TBXAS1: variants seen among roughly 807,000 people sequenced by gnomAD.
TBXAS1 encodes the protein thromboxane-A synthase.
Under a neutral mutation model 60.7 loss-of-function variants are expected in TBXAS1, and 48 were observed. That is an observed-to-expected ratio of 0.79 (90% CI 0.63 to 1.01). TBXAS1 has a LOEUF of 1.01. TBXAS1 is among the 50% of genes least tolerant of loss of function. The probability of loss-of-function intolerance (pLI) is 0.00; values close to 1 mark genes in which losing one functional copy is unlikely to be tolerated. For synonymous variants in TBXAS1, 287 were observed against 269.7 expected (o/e 1.06, Z -0.63); for missense variants, 685 against 686.3 (o/e 1.00, Z 0.02).
intron 4 of TBXAS1, among the ~76,000 whole-genome samples, chr7:139,920,224 G>A (rs879638320): frequency 2.0e-5 from 3 of 152,210 alleles, no homozygotes; most frequent in Non-Finnish European, 4.4e-5. Flanking sequence ...TAAAGACAAC[G>A]AGGGGTCCCT....
chr7:139,896,555 C>T lies in TBXAS1; in HGVS notation c.237-14670C>T, dbSNP rs1227834586. On this transcript the variant is annotated intron_variant, in intron 3 of 12. Coordinates refer to ENST00000448866, the MANE Select transcript of TBXAS1 (RefSeq NM_001061.7). The surrounding 1 kb of genome is among the most constrained non-coding windows in gnomAD (Gnocchi z 4.0). ...GTATTTTACACATTCGTGACAAATA[C>T]AGCAACATCTGTCAGGCACTGTAGG... 6.6e-6 allele frequency among the ~76,000 whole-genome samples: 1 copy of T among 152,188 alleles called. No homozygotes were observed. Among genetic ancestry groups the T allele is most frequent in the East Asian group, 1.9e-4 (1 of 5,198 alleles).
chr7:140,009,230 C>G (rs1463695681), intron 10 of TBXAS1, among the ~76,000 whole-genome samples: 1 of 152,224 alleles, frequency 6.6e-6, no homozygotes, highest in Non-Finnish European at 1.5e-5. Context: ...CAGACAGAAA[C>G]TAGAGAACCT....
chr7:139,938,215 C>T (rs1807965291), intron 5 of TBXAS1, among the ~76,000 whole-genome samples: 1 of 152,084 alleles, frequency 6.6e-6, no homozygotes, highest in Non-Finnish European at 1.5e-5. Flanking sequence ...GTGTAGACAG[C>T]AGGAGATGGA....
intron 3 of TBXAS1, among the ~76,000 whole-genome samples, chr7:139,785,461 A>G (rs1797159852): frequency 8.6e-6 from 1 of 116,036 alleles, no homozygotes; most frequent in South Asian, 3.5e-4. Flanking sequence ...GCCAGGACCC[A>G]TTGTTTCGTT....
intron 4 of TBXAS1, among the ~76,000 whole-genome samples, chr7:139,920,312 C>T (rs1398744521): frequency 6.6e-6 from 1 of 152,196 alleles, no homozygotes; most frequent in Non-Finnish European, 1.5e-5. Context: ...CAAAGTTAAA[C>T]CACACTTTCC....
chr7:139,891,931 AC>A (rs1803652477), intron 3 of TBXAS1, among the ~76,000 whole-genome samples: 1 of 152,132 alleles, frequency 6.6e-6, no homozygotes, highest in African/African-American at 2.4e-5. Context: ...GGGAGTTTAT[AC>A]TCTTTCCCCA....
chr7:140,000,028 G>A (rs1813557090), intron 9 of TBXAS1, among the ~76,000 whole-genome samples: 1 of 152,008 alleles, frequency 6.6e-6, no homozygotes, highest in African/African-American at 2.4e-5. Flanking sequence ...ATGTGTAGGT[G>A]TGTGACTGTG....
intron 5 of TBXAS1, among the ~76,000 whole-genome samples, chr7:139,951,764 C>A (rs1809296421): frequency 7.5e-6 from 1 of 133,810 alleles, no homozygotes; most frequent in Non-Finnish European, 1.6e-5. Context: ...CAAAGCAAGA[C>A]TCTGTCTAAA....
chr7:139,972,856 C>T (rs922878625), intron 9 of TBXAS1, among the ~76,000 whole-genome samples: 1 of 152,122 alleles, frequency 6.6e-6, no homozygotes, highest in Non-Finnish European at 1.5e-5. Flanking sequence ...GAGCACAGTG[C>T]CTGGCACGTG....
intron 9 of TBXAS1, among the ~76,000 whole-genome samples, chr7:139,972,620 A>G (rs1048056991): frequency 1.3e-5 from 2 of 152,174 alleles, no homozygotes; most frequent in African/African-American, 2.4e-5. Flanking sequence ...GGAAGCTCCA[A>G]AATGGTATCA....
At chr7:139,939,075 C>G (rs1006775988) in intron 5 of TBXAS1, among the ~76,000 whole-genome samples, 5 of 152,244 alleles carry the variant, frequency 3.3e-5, no homozygotes, top group Middle Eastern at 6.8e-3. Flanking sequence ...CATTAAGATG[C>G]CAAGAGAAGC....
chr7:139,864,277 G>A (rs536264617), intron 1 of TBXAS1, among the ~76,000 whole-genome samples: 32 of 147,066 alleles, frequency 2.2e-4, no homozygotes, highest in Admixed American at 1.8e-3. Context: ...CTATACATGA[G>A]CAACACCAAA....
At chr7:139,949,373 A>G (rs1809017901) in intron 5 of TBXAS1, among the ~76,000 whole-genome samples, 1 of 152,242 alleles carries the variant, frequency 6.6e-6, no homozygotes, top group African/African-American at 2.4e-5. Context: ...ATTCCTCTGA[A>G]GTAAATTTAA....
At chr7:139,912,507 G>T (rs1376486001) in intron 4 of TBXAS1, among the ~76,000 whole-genome samples, 1 of 152,120 alleles carries the variant, frequency 6.6e-6, no homozygotes, top group East Asian at 1.9e-4. Flanking sequence ...TTCTTTTGTT[G>T]ATTATGTGGC....
rs567952378 is a variant in TBXAS1, at chr7:139,902,410, A to C, written c.237-8815A>C. ...TTTTTTCAGTCACAAAATTCCCTTG[A>C]GATTCATCCAAATTTGTGCATGTAA... On this transcript the variant is annotated intron_variant, in intron 3 of 12. Coordinates refer to ENST00000448866, the MANE Select transcript of TBXAS1 (RefSeq NM_001061.7). Among the ~76,000 whole-genome samples the C allele has an allele frequency of 2.6e-5, 4 of 152,248 alleles. No homozygotes were observed. The South Asian group carries it at 8.3e-4, about 32-fold the overall frequency.
At chr7:139,923,135 A>G (rs956137613) in intron 4 of TBXAS1, among the ~76,000 whole-genome samples, 1 of 151,194 alleles carries the variant, frequency 6.6e-6, no homozygotes, top group South Asian at 2.1e-4. Flanking sequence ...CTGGGTAACA[A>G]ACCAAGACCC....
chr7:139,934,488 G>A (rs560174541), intron 4 of TBXAS1, among the ~76,000 whole-genome samples: 4 of 151,902 alleles, frequency 2.6e-5, no homozygotes, highest in Non-Finnish European at 4.4e-5. Flanking sequence ...ATGCCTGGCC[G>A]CAAAGTCTTT....
At position 140,015,835 on chromosome 7, in the gene TBXAS1, A is replaced by G; in HGVS notation, c.1339A>G (p.Ser447Gly). The G allele has an allele frequency of 6.2e-7, 1 of 1,613,908 alleles. No individual in the cohort carries two copies. The highest frequency in any genetic ancestry group is 8.5e-7 in the Non-Finnish European group (1 of 1,180,024). The change falls in exon 11 of 13, where the codon AGC becomes GGC. Residue 447 changes from serine to glycine, a missense_variant. Transcript: ENST00000448866. ...GCACCATGACCCTGAGCACTGGCCAAGCCCGGAGACCTTCAACCCTGAAAG... is the reference window on the plus strand; with the variant it reads ...GCACCATGACCCTGAGCACTGGCCAGGCCCGGAGACCTTCAACCCTGAAAG... The part of the protein sequence containing the change: ...ALHHDPEHWP[S>G]PETFNPERFT...
intron 4 of TBXAS1, among the ~76,000 whole-genome samples, chr7:139,804,994 T>C (rs879483740): frequency 2.0e-5 from 3 of 152,258 alleles, no homozygotes; most frequent in Admixed American, 6.5e-5. Context: ...TGTGAATGGA[T>C]TTCACAGCTT....
Sources: gnomAD v4.1 joint callset for allele counts (sites outside exome capture counted in the v4.1 genomes callset) on GRCh38, gnomAD v4.1.1 for gene constraint, Gnocchi (gnomAD v3.1) non-coding constraint, MANE v1.5 for transcripts, NCBI Gene and HGNC (gene_info 2026-07-23, HGNC 2026-07-21) for gene names.